The following ANKHD1 variants were observed in gnomAD, a reference collection of about 807,000 sequenced individuals.
The protein encoded by ANKHD1 is ankyrin repeat and KH domain containing 1.
ANKHD1 carries 31 observed loss-of-function variants against 230.5 expected under a neutral mutation model. The observed-to-expected ratio is 0.13, with a 90% CI of 0.10 to 0.18. ANKHD1 has a LOEUF of 0.18. ANKHD1 is among the 10% of genes least tolerant of loss of function. The pLI is 1.00. For synonymous variants in ANKHD1, 1,074 were observed against 1,117.6 expected (o/e 0.96, Z 0.78); for missense variants, 2,256 against 3,071.3 (o/e 0.73, Z 6.27).
intron 1 of ANKHD1, among the ~76,000 whole-genome samples, chr5:140,430,777 G>A (rs963845741): frequency 5.3e-5 from 8 of 151,186 alleles, no homozygotes; most frequent in African/African-American, 1.9e-4. Flanking sequence ...TCCCACCTCA[G>A]TTTCTTGAGT....
chr5:140,442,439 T>C (rs564706527), intron 5 of ANKHD1, among the ~76,000 whole-genome samples: 5 of 152,118 alleles, frequency 3.3e-5, no homozygotes, highest in Admixed American at 6.6e-5. Flanking sequence ...GGAGGGGATG[T>C]TTTCGGGATG....
At chr5:140,531,044 T>C (rs1305178205) in intron 29 of ANKHD1, among the ~76,000 whole-genome samples, 1 of 152,206 alleles carries the variant, frequency 6.6e-6, no homozygotes, top group Non-Finnish European at 1.5e-5. Flanking sequence ...TCCATTCCTC[T>C]CTGTAAATAG....
intron 7 of ANKHD1, among the ~76,000 whole-genome samples, chr5:140,457,991 G>T (rs2126962762): frequency 6.6e-6 from 1 of 152,164 alleles, no homozygotes; most frequent in Middle Eastern, 3.4e-3. Context: ...ATAGGCCATG[G>T]TAAAAATTTT....
At chr5:140,491,156 ATATATTTTTTT>A (rs1751775885) in intron 14 of ANKHD1, among the ~76,000 whole-genome samples, 4 of 94,956 alleles carry the variant, frequency 4.2e-5, no homozygotes, top group Non-Finnish European at 8.1e-5. Context: ...ATATATATAT[ATATATTTTTTT>A]TTTTTTTTTT....
chr5:140,506,969 T>C lies in ANKHD1; in HGVS notation c.3543T>C (p.Ile1181=). Residue 1181 remains isoleucine (I), a synonymous_variant, in exon 19 of 34, where the codon ATT becomes ATC. Transcript: ENST00000360839. This position sits in a 1 kb window ranked among gnomAD's most constrained non-coding sequence, Gnocchi z 4.7. ...IKILLNAGAE[I]NSRTGSKLGI... The stretch of plus-strand genomic sequence containing the variant: ...TTCTGCTTAATGCTGGGGCAGAAAT[T>C]AATTCAAGGTATTGCCTGTTCATTT... 2 of 1,613,460 alleles carry C rather than the reference T, an allele frequency of 1.2e-6. No homozygotes were observed. Among genetic ancestry groups the C allele is most frequent in the Non-Finnish European group, 1.7e-6 (2 of 1,179,834 alleles).
intron 1 of ANKHD1, among the ~76,000 whole-genome samples, chr5:140,412,320 G>A (rs569093924): frequency 5.3e-5 from 8 of 152,206 alleles, no homozygotes; most frequent in Admixed American, 3.9e-4. Flanking sequence ...GTGAGCCACC[G>A]TGCCCGGCTA....
At chr5:140,452,297 G>A (rs1774811593) in intron 7 of ANKHD1, among the ~76,000 whole-genome samples, 1 of 152,226 alleles carries the variant, frequency 6.6e-6, no homozygotes, top group South Asian at 2.1e-4. Context: ...TCTGGGGGCA[G>A]GGCATAGCTG....
chr5:140,408,345 A>G (rs1407869556), intron 1 of ANKHD1, among the ~76,000 whole-genome samples: 1 of 152,104 alleles, frequency 6.6e-6, no homozygotes, highest in East Asian at 1.9e-4. Context: ...CATTCAGTAA[A>G]TTTTCTAGGC....
At chr5:140,471,936 T>C (rs1581306348) in intron 10 of ANKHD1, among the ~76,000 whole-genome samples, 2 of 152,338 alleles carry the variant, frequency 1.3e-5, no homozygotes, top group Middle Eastern at 3.4e-3. Flanking sequence ...TAAATGTTGC[T>C]CTGTTTTTGT....
intron 30 of ANKHD1, chr5:140,535,924 G>A (rs1754047992): frequency 6.7e-6 from 1 of 148,962 alleles, no homozygotes. Context: ...AGTACCGCAA[G>A]TAGTTTTACA....
At chr5:140,519,175 A>G (rs1195708214) in intron 24 of ANKHD1, among the ~76,000 whole-genome samples, 2 of 152,200 alleles carry the variant, frequency 1.3e-5, no homozygotes, top group Non-Finnish European at 2.9e-5. Flanking sequence ...ACTCCCATTC[A>G]CAATTGCTTC....
Position 140,485,649 on chromosome 5 carries a change from C to T in ANKHD1, c.2059C>T (p.Leu687=), listed in dbSNP as rs755589679. The change falls in exon 13 of 34, where the codon CTG becomes TTG. Residue 687 remains leucine (L), a synonymous_variant. Coordinates refer to ENST00000360839, the MANE Select transcript of ANKHD1 (RefSeq NM_017747.3). This position sits in a 1 kb window ranked among gnomAD's most constrained non-coding sequence, Gnocchi z 4.8. The part of the protein sequence containing the change: ...KGGHTNVVSY[L]LDYPNNVLSV... ...TGGCCATACTAATGTAGTTTCTTATCTGTTGGATTATCCAAATAATGTTCT... is the reference window on the plus strand; with the variant it reads ...TGGCCATACTAATGTAGTTTCTTATTTGTTGGATTATCCAAATAATGTTCT... 1 of 1,614,046 alleles carries T rather than the reference C, an allele frequency of 6.2e-7. No homozygotes were observed. Among genetic ancestry groups the T allele is most frequent in the Non-Finnish European group, 8.5e-7 (1 of 1,179,986 alleles).
Position 140,538,277 on chromosome 5 carries a change from T to G in ANKHD1, c.7404+16T>G. ...TTTTTCTAAAGTGAGTTGACAAACATCACTGTAACTTGATTGACACTTTGT... is the reference window on the plus strand; with the variant it reads ...TTTTTCTAAAGTGAGTTGACAAACAGCACTGTAACTTGATTGACACTTTGT... On this transcript the variant is annotated intron_variant, in intron 32 of 33. Coordinates refer to ENST00000360839, the MANE Select transcript of ANKHD1 (RefSeq NM_017747.3). 6.2e-7 allele frequency: 1 copy of G among 1,611,654 alleles called. No homozygotes were observed. The highest frequency in any genetic ancestry group is 1.1e-5 in the South Asian group (1 of 90,806).
chr5:140,416,430 T>C (rs983403926), intron 1 of ANKHD1, among the ~76,000 whole-genome samples: 7 of 152,190 alleles, frequency 4.6e-5, no homozygotes, highest in Non-Finnish European at 7.3e-5. Flanking sequence ...ATCCAGTTTT[T>C]TAGCACCATT....
intron 14 of ANKHD1, among the ~76,000 whole-genome samples, chr5:140,489,266 G>C (rs1751657792): frequency 6.6e-6 from 1 of 151,562 alleles, no homozygotes; most frequent in South Asian, 2.1e-4. Flanking sequence ...CCAGTGCTTT[G>C]GGAGGCCGAG....
intron 14 of ANKHD1, among the ~76,000 whole-genome samples, chr5:140,494,447 T>TTA (rs570319576): frequency 1.6e-3 from 240 of 152,138 alleles, no homozygotes; most frequent in African/African-American, 5.3e-3. Context: ...TCTCTTAAAA[T>TTA]TATATATATA....
intron 10 of ANKHD1, 132 bp from the exon 11 acceptor site, chr5:140,482,448 T>G: frequency 1.1e-6 from 1 of 910,740 alleles, no homozygotes; most frequent in Non-Finnish European, 1.5e-6. Flanking sequence ...GGAATTGAGG[T>G]AGGTGGTATA....
At chr5:140,509,453 T>G (rs1752669157) in intron 20 of ANKHD1, among the ~76,000 whole-genome samples, 184 bp from the exon 21 acceptor site, 1 of 152,250 alleles carries the variant, frequency 6.6e-6, no homozygotes, top group Admixed American at 6.5e-5. Context: ...CAATTTCTAC[T>G]GCTGTTTAGT....
intron 9 of ANKHD1, among the ~76,000 whole-genome samples, 167 bp from the exon 10 acceptor site, chr5:140,464,500 G>T (rs1009178905): frequency 6.6e-6 from 1 of 152,116 alleles, no homozygotes. Context: ...TTTTTGGTAT[G>T]ACTCAAATTA....
Sources: gnomAD v4.1 joint callset for allele counts (sites outside exome capture counted in the v4.1 genomes callset) on GRCh38, gnomAD v4.1.1 for gene constraint, Gnocchi (gnomAD v3.1) non-coding constraint, MANE v1.5 for transcripts, NCBI Gene and HGNC (gene_info 2026-07-23, HGNC 2026-07-21) for gene names.